NUBP2: variants seen among roughly 807,000 people sequenced by gnomAD.
NUBP2 encodes cytosolic Fe-S cluster assembly factor NUBP2.
NUBP2 carries 23 observed loss-of-function variants against 24.9 expected under a neutral mutation model. The ratio of observed to expected loss-of-function variants is 0.92; its 90% CI spans 0.66 to 1.31. NUBP2 has a LOEUF of 1.31. NUBP2 is among the 50% of genes most tolerant of loss of function. The pLI is 0.00. For synonymous variants in NUBP2, 186 were observed against 170.9 expected (o/e 1.09, Z -0.69); for missense variants, 403 against 386.5 (o/e 1.04, Z -0.36).
chr16:1,788,484 C>CG (rs1897097418), intron 6 of NUBP2, 85 bp from the exon 7 acceptor site: 14 of 1,461,216 alleles, frequency 9.6e-6, no homozygotes, highest in Non-Finnish European at 1.2e-5. Context: ...TCTAAGGCCA[C>CG]GGGTGGTTCG....
In NUBP2 at chr16:1,786,925, G is replaced by A. The variant is rs1178592555; in HGVS notation, c.304G>A (p.Ala102Thr). 1 of 1,536,046 alleles carries A rather than the reference G, an allele frequency of 6.5e-7. No homozygotes were observed. The highest frequency in any genetic ancestry group is 8.8e-7 in the Non-Finnish European group (1 of 1,137,400). Reference sequence around the variant, plus strand: ...CTTCCTGCTGGAGAAGCCGGACGAGGCCGTGGTGTGGAGAGGCCCCAAGAA... The same window carrying A: ...CTTCCTGCTGGAGAAGCCGGACGAGACCGTGGTGTGGAGAGGCCCCAAGAA... ...VGFLLEKPDE[A>T]VVWRGPKKNA... Residue 102 changes from alanine (A) to threonine (T), a missense_variant, in exon 3 of 7, where the codon GCC becomes ACC. Coordinates refer to ENST00000262302, the MANE Select transcript of NUBP2 (RefSeq NM_012225.4).
chr16:1,786,271 T>C lies in NUBP2; in HGVS notation c.17-266T>C, dbSNP rs35098398. Reference sequence around the variant, plus strand: ...GCACCCTTCCACACAGCGAGAGGAGTTGGGCAGTTTCCACTCTCAGCAGCG... The same window carrying C: ...GCACCCTTCCACACAGCGAGAGGAGCTGGGCAGTTTCCACTCTCAGCAGCG... On this transcript the variant is annotated intron_variant, in intron 1 of 6. Coordinates refer to ENST00000262302, the MANE Select transcript of NUBP2 (RefSeq NM_012225.4). 7.6e-4 allele frequency: 386 copies of C among 505,720 alleles called. 1 individual carries two copies. Among genetic ancestry groups the C allele is most frequent in the African/African-American group, 7.0e-3 (365 of 52,236 alleles). 31.3% of individuals were successfully genotyped at this position (505,720 alleles called of 1,614,324 possible). A position where few individuals can be genotyped will look rare whatever the true frequency, so the allele number is the denominator to read the frequency against.
chr16:1,787,510 C>T, intron 3 of NUBP2, 167 bp from the exon 4 acceptor site: 1 of 895,354 alleles, frequency 1.1e-6, no homozygotes, highest in Non-Finnish European at 1.7e-6. Context: ...CATCTTTGCA[C>T]TCCTGCAGCG....
Position 1,783,805 on chromosome 16 carries a change from T to G in NUBP2, c.16+769T>G, listed in dbSNP as rs573574928. ...GCCTCCCGGGTTCACGCCATTCTCC[T>G]GCCGCAGCCTCCCGAGTAGCTGTGA... On this transcript the variant is annotated intron_variant, in intron 1 of 6. Coordinates refer to ENST00000262302, the MANE Select transcript of NUBP2 (RefSeq NM_012225.4). The G allele has an allele frequency of 5.8e-4, 97 of 167,970 alleles. 1 individual carries two copies. The South Asian group carries it at 0.019, about 32-fold the overall frequency. 10.4% of individuals were successfully genotyped at this position (167,970 alleles called of 1,614,324 possible).
intron 6 of NUBP2, 97 bp downstream of exon 6, chr16:1,788,304 A>C: frequency 3.2e-6 from 4 of 1,232,460 alleles, no homozygotes; most frequent in Non-Finnish European, 4.3e-6. Flanking sequence ...AAGGGAGAGG[A>C]GGGGACGGGA....
chr16:1,787,688 C>T lies in NUBP2; in HGVS notation c.346C>T (p.Gln116Ter). The part of the protein sequence containing the change: ...RGPKKNALIK[Q>*]FVSDVAWGEL... ...CCCCGTCTTTGCAGCGCTGATAAAGCAGTTTGTGTCCGACGTGGCCTGGGG... is the reference window on the plus strand; with the variant it reads ...CCCCGTCTTTGCAGCGCTGATAAAGTAGTTTGTGTCCGACGTGGCCTGGGG... Residue 116 changes from glutamine (Q) to a stop codon, truncating the protein, a stop_gained, in exon 4 of 7, where the codon CAG (glutamine) becomes TAG (stop). Transcript: ENST00000262302. LOFTEE classifies it high-confidence loss of function. 6.2e-6 allele frequency: 10 copies of T among 1,612,560 alleles called. No individual in the cohort carries two copies. Among genetic ancestry groups the T allele is most frequent in the Non-Finnish European group, 8.5e-6 (10 of 1,179,898 alleles).
At position 1,788,914 on chromosome 16, in the gene NUBP2, G is replaced by GTCTGCGTGC; in HGVS notation, c.*206_*214dup. The stretch of plus-strand genomic sequence containing the variant: ...TGCCTGGTTGGCCTGCAGTGCCGTG[G>GTCTGCGTGC]TCTGCGTGCTCTGCAGCTGTGAGAC... On this transcript the variant is annotated 3_prime_UTR_variant, in exon 7 of 7. Coordinates refer to ENST00000262302, the MANE Select transcript of NUBP2 (RefSeq NM_012225.4). 1 of 652,058 alleles carries GTCTGCGTGC rather than the reference G, an allele frequency of 1.5e-6. No homozygotes were observed. The highest frequency in any genetic ancestry group is 2.5e-6 in the Non-Finnish European group (1 of 400,942). 40.4% of individuals were successfully genotyped at this position (652,058 alleles called of 1,614,324 possible). A position where few individuals can be genotyped will look rare whatever the true frequency, so the allele number is the denominator to read the frequency against.
chr16:1,786,898 G>T lies in NUBP2; in HGVS notation c.277G>T (p.Gly93Cys). 6.4e-7 allele frequency: 1 copy of T among 1,558,298 alleles called. No homozygotes were observed. ...GCAGAGCATCTCGCTCATGTCTGTGGGCTTCCTGCTGGAGAAGCCGGACGA... is the reference window on the plus strand; with the variant it reads ...GCAGAGCATCTCGCTCATGTCTGTGTGCTTCCTGCTGGAGAAGCCGGACGA... Reference protein sequence around the residue: ...REQSISLMSVGFLLEKPDEAV... With the variant: ...REQSISLMSVCFLLEKPDEAV... The change falls in exon 3 of 7, where the codon GGC (glycine) becomes TGC (cysteine). Residue 93 changes from glycine (G) to cysteine (C), a missense_variant. Coordinates refer to ENST00000262302, the MANE Select transcript of NUBP2 (RefSeq NM_012225.4).
Position 1,788,977 on chromosome 16 carries a change from A to G in NUBP2, c.*263A>G. 2 of 466,228 alleles carry G rather than the reference A, an allele frequency of 4.3e-6. No individual in the cohort carries two copies. The highest frequency in any genetic ancestry group is 3.4e-5 in the South Asian group (1 of 29,068). The allele number at this position is 466,228 out of a possible 1,614,324, so 28.9% of individuals were successfully genotyped here. On this transcript the variant is annotated 3_prime_UTR_variant, in exon 7 of 7. Coordinates refer to ENST00000262302, the MANE Select transcript of NUBP2 (RefSeq NM_012225.4). ...GGCTCTCTTCCCATCCATGTTGCCTACCTGTGCCCCTGGCAGCCGCGTGTC... is the reference window on the plus strand; with the variant it reads ...GGCTCTCTTCCCATCCATGTTGCCTGCCTGTGCCCCTGGCAGCCGCGTGTC...
At chr16:1,786,384 A>G (rs1322587284) in intron 1 of NUBP2, 153 bp from the exon 2 acceptor site, 5 of 718,410 alleles carry the variant, frequency 7.0e-6, no homozygotes, top group Admixed American at 2.4e-5. Context: ...AGGTCTTTAC[A>G]TCGGGGCGAA....
At chr16:1,786,724 T>G in intron 2 of NUBP2, 33 bp from the exon 3 acceptor site, 1 of 1,611,330 alleles carries the variant, frequency 6.2e-7, no homozygotes, top group Non-Finnish European at 8.5e-7. Context: ...GGCCTGGCGG[T>G]GCCCCCGGCC....
rs990691235 is a variant in NUBP2 at position 1,785,179 on chromosome 16, A to T, written c.17-1358A>T. The T allele has an allele frequency of 7.0e-6, 7 of 997,666 alleles. No individual in the cohort carries two copies. The Admixed American group carries it at 1.6e-4, about 24-fold the overall frequency. 61.8% of individuals were successfully genotyped at this position (997,666 alleles called of 1,614,324 possible). ...GAGCGCACTCGCCTTCCTCGGGGAG[A>T]TGGTGCTTCGCCTCCTTCCTGCACT... On this transcript the variant is annotated intron_variant, in intron 1 of 6. Transcript: ENST00000262302.
chr16:1,785,430 T>A, intron 1 of NUBP2: 1 of 1,178,136 alleles, frequency 8.5e-7, no homozygotes. Context: ...CCCCTGGGGG[T>A]TAACACTGCC....
intron 1 of NUBP2, 72 bp from the exon 2 acceptor site, chr16:1,786,465 G>A (rs1896971215): frequency 7.5e-7 from 1 of 1,330,096 alleles, no homozygotes; most frequent in Non-Finnish European, 1.0e-6. Context: ...GCAAGAGGCA[G>A]TGGGTGACCC....
chr16:1,785,680 A>G lies in NUBP2; in HGVS notation c.17-857A>G, dbSNP rs573584084. On this transcript the variant is annotated intron_variant, in intron 1 of 6. Transcript: ENST00000262302. ...CTGCCTTTTCCGCGTCCCCTGGAGG[A>G]GACCTCAGGCAGCCTCTGTAGGTCT... The G allele has an allele frequency of 4.7e-6, 6 of 1,288,896 alleles. No individual in the cohort carries two copies. In the African/African-American group the frequency reaches 6.1e-5, roughly 13 times the overall value. The allele number at this position is 1,288,896 out of a possible 1,614,324, so 79.8% of individuals were successfully genotyped here.
chr16:1,788,319 T>G (rs2142005996), intron 6 of NUBP2, 112 bp downstream of exon 6: 1 of 1,168,356 alleles, frequency 8.6e-7, no homozygotes, highest in Non-Finnish European at 1.2e-6. Context: ...ACGGGAGCGG[T>G]TTCCTCCTCT....
chr16:1,783,672 C>CT (rs961005558), intron 1 of NUBP2, among the ~76,000 whole-genome samples: 43 of 152,336 alleles, frequency 2.8e-4, no homozygotes, highest in African/African-American at 1.0e-3. Context: ...CAGCACAACT[C>CT]TGACAGATTA....
chr16:1,786,344 C>T (rs569657536), intron 1 of NUBP2, 193 bp from the exon 2 acceptor site: 50 of 610,152 alleles, frequency 8.2e-5, no homozygotes, highest in African/African-American at 7.9e-4. Flanking sequence ...AGGGTCCCCC[C>T]GGGTCTGGGG....
intron 3 of NUBP2, 163 bp downstream of exon 3, chr16:1,787,118 G>C (rs1897010964): frequency 1.6e-6 from 1 of 639,052 alleles, no homozygotes; most frequent in Non-Finnish European, 2.6e-6. Flanking sequence ...TGTGTCTCCA[G>C]TTGGGTCCGT....
Sources: gnomAD v4.1 joint callset for allele counts (sites outside exome capture counted in the v4.1 genomes callset) on GRCh38, gnomAD v4.1.1 for gene constraint, MANE v1.5 for transcripts, NCBI Gene and HGNC (gene_info 2026-07-23, HGNC 2026-07-21) for gene names.